RSRC1: variants seen among roughly 807,000 people sequenced by gnomAD.
RSRC1 encodes serine/Arginine-related protein 53.
RSRC1 carries 39 observed loss-of-function variants against 49.1 expected under a neutral mutation model. The ratio of observed to expected loss-of-function variants is 0.79; its 90% CI spans 0.61 to 1.04. The LOEUF is 1.04. Ranked by LOEUF, RSRC1 falls within the 50% of genes least tolerant of loss-of-function variation. The pLI is 0.00. For synonymous variants in RSRC1, 143 were observed against 130.8 expected (o/e 1.09, Z -0.63); for missense variants, 388 against 402.4 (o/e 0.96, Z 0.31).
intron 4 of RSRC1, among the ~76,000 whole-genome samples, chr3:158,253,622 A>AT (rs1724352904): frequency 1.3e-5 from 2 of 151,886 alleles, no homozygotes; most frequent in Non-Finnish European, 2.9e-5. Context: ...TTCTTTGTTG[A>AT]TTTTCTCTCT....
At chr3:158,468,550 C>G (rs1025814966) in intron 7 of RSRC1, among the ~76,000 whole-genome samples, 2 of 152,168 alleles carry the variant, frequency 1.3e-5, no homozygotes, top group East Asian at 3.9e-4. Flanking sequence ...GTGCCATTTA[C>G]TAGCTTTATA....
At chr3:158,284,669 T>C (rs991053866) in intron 4 of RSRC1, among the ~76,000 whole-genome samples, 2 of 151,516 alleles carry the variant, frequency 1.3e-5, no homozygotes, top group Non-Finnish European at 2.9e-5. Context: ...TTTCATGTGG[T>C]TTTTGGCTGC....
intron 3 of RSRC1, among the ~76,000 whole-genome samples, chr3:158,147,006 C>G (rs994257858): frequency 4.6e-5 from 7 of 151,668 alleles, no homozygotes; most frequent in African/African-American, 1.7e-4. Context: ...CAAGATTTTC[C>G]CCATGGCTGC....
At chr3:158,143,708 A>C (rs1716893298) in intron 3 of RSRC1, among the ~76,000 whole-genome samples, 1 of 152,180 alleles carries the variant, frequency 6.6e-6, no homozygotes, top group Admixed American at 6.5e-5. Flanking sequence ...AAAAACAAAA[A>C]ACAAACCTTG....
chr3:158,384,992 G>A (rs549520285), intron 6 of RSRC1, among the ~76,000 whole-genome samples: 24 of 152,144 alleles, frequency 1.6e-4, no homozygotes, highest in African/African-American at 4.8e-4. Context: ...CCCCCAAAGT[G>A]CCATTTAGTG....
chr3:158,406,390 TTATC>T (rs1394208042), intron 6 of RSRC1, among the ~76,000 whole-genome samples: 1 of 152,098 alleles, frequency 6.6e-6, no homozygotes, highest in African/African-American at 2.4e-5. Flanking sequence ...TGAAAAGAAT[TTATC>T]TAATCTCTGC....
At chr3:158,193,184 A>G (rs1720343386) in intron 3 of RSRC1, among the ~76,000 whole-genome samples, 1 of 152,104 alleles carries the variant, frequency 6.6e-6, no homozygotes, top group African/African-American at 2.4e-5. Context: ...CAGAGAGGAA[A>G]TAGCTTGTTC....
chr3:158,211,035 A>T (rs1181543723), intron 4 of RSRC1, among the ~76,000 whole-genome samples: 1 of 152,076 alleles, frequency 6.6e-6, no homozygotes, highest in Non-Finnish European at 1.5e-5. Context: ...CTGAGGAATT[A>T]GGGATATGTG....
At chr3:158,174,905 C>A (rs1719109295) in intron 3 of RSRC1, among the ~76,000 whole-genome samples, 1 of 152,000 alleles carries the variant, frequency 6.6e-6, no homozygotes, top group Admixed American at 6.5e-5. Flanking sequence ...TGTGTATGTC[C>A]AACTTGTTTA....
At chr3:158,467,365 T>G (rs1436662367) in intron 7 of RSRC1, among the ~76,000 whole-genome samples, 5 of 152,238 alleles carry the variant, frequency 3.3e-5, no homozygotes, top group African/African-American at 1.2e-4. Flanking sequence ...GTTATTGTTT[T>G]CACATCCTGT....
chr3:158,281,610 TATA>T (rs553350764), intron 4 of RSRC1, among the ~76,000 whole-genome samples: 1 of 152,200 alleles, frequency 6.6e-6, no homozygotes, highest in South Asian at 2.1e-4. Context: ...ACCTGAACGA[TATA>T]ATATTATAGA....
At chr3:158,417,092 C>T (rs760286413) in intron 6 of RSRC1, among the ~76,000 whole-genome samples, 3 of 151,688 alleles carry the variant, frequency 2.0e-5, no homozygotes, top group Non-Finnish European at 4.4e-5. Flanking sequence ...AGCATTGGTC[C>T]CCACTCTTTT....
intron 3 of RSRC1, among the ~76,000 whole-genome samples, chr3:158,201,945 C>T (rs377599109): frequency 1.3e-5 from 2 of 152,008 alleles, no homozygotes; most frequent in African/African-American, 2.4e-5. Flanking sequence ...TTATTTTCCT[C>T]GAAAAATGTA....
chr3:158,313,726 C>T lies in RSRC1; in HGVS notation c.531+15651C>T, dbSNP rs562456703. ...AGGAGAACGATGTTGTGTCTTGACA[C>T]AGTAACAGAAAATGTGTATCATCAG... On this transcript the variant is annotated intron_variant, in intron 5 of 9. Transcript: ENST00000611884. Among the ~76,000 whole-genome samples the T allele has an allele frequency of 1.1e-4, 16 of 152,266 alleles. No homozygotes were observed. In the South Asian group the frequency reaches 2.3e-3, roughly 22 times the overall value.
Position 158,509,426 on chromosome 3 carries a change from T to A in RSRC1, c.653-27666T>A, listed in dbSNP as rs76779831. Among the ~76,000 whole-genome samples, 38 of 152,318 alleles carry A rather than the reference T, an allele frequency of 2.5e-4. No homozygotes were observed. The East Asian group carries it at 4.2e-3, about 17-fold the overall frequency. ...TTCTTCAATCTTTTCTATTCTGAAT[T>A]TTATGCGTATTCTTCTCTTGCAGAA... On this transcript the variant is annotated intron_variant, in intron 7 of 9. Transcript: ENST00000611884.
At chr3:158,511,538 T>C (rs1740177713) in intron 7 of RSRC1, among the ~76,000 whole-genome samples, 1 of 152,186 alleles carries the variant, frequency 6.6e-6, no homozygotes, top group Non-Finnish European at 1.5e-5. Flanking sequence ...GACATTTGGG[T>C]TGGTTCCAAG....
intron 3 of RSRC1, among the ~76,000 whole-genome samples, chr3:158,201,615 T>C (rs546861493): frequency 4.1e-4 from 62 of 152,332 alleles, no homozygotes; most frequent in African/African-American, 1.5e-3. Flanking sequence ...GATTCTTTCC[T>C]CTGTTATTAC....
At chr3:158,475,366 A>G (rs1738321442) in intron 7 of RSRC1, among the ~76,000 whole-genome samples, 1 of 152,200 alleles carries the variant, frequency 6.6e-6, no homozygotes, top group South Asian at 2.1e-4. Context: ...ATGAATAAAC[A>G]AACAAGTAAA....
chr3:158,206,200 A>G (rs1348739037), intron 4 of RSRC1, among the ~76,000 whole-genome samples: 1 of 152,198 alleles, frequency 6.6e-6, no homozygotes, highest in Non-Finnish European at 1.5e-5. Flanking sequence ...CTCACAGGCT[A>G]GTCTAAGCAT....
Sources: allele counts gnomAD v4.1 joint callset (sites outside exome capture counted in the v4.1 genomes callset), GRCh38; gene constraint gnomAD v4.1.1; transcripts MANE v1.5; gene names NCBI Gene and HGNC (gene_info 2026-07-23, HGNC 2026-07-21).